The following SLC45A4 variants were observed in gnomAD, a reference collection of about 807,000 sequenced individuals.
SLC45A4 encodes polyamine-transporter SLC45A4.
Under a neutral mutation model 63.7 loss-of-function variants are expected in SLC45A4, and 32 were observed. The observed-to-expected ratio is 0.50, with a 90% CI of 0.38 to 0.67. SLC45A4 has a LOEUF of 0.67. Ranked by LOEUF, SLC45A4 falls within the 30% of genes least tolerant of loss-of-function variation. The pLI is 0.00. For synonymous variants in SLC45A4, 535 were observed against 510.0 expected, an observed-to-expected ratio of 1.05 and a Z score of -0.66; for missense variants, 1,027 against 1,157.7, an observed-to-expected ratio of 0.89 and a Z score of 1.64.
intron 6 of SLC45A4, 74 bp downstream of exon 6, chr8:141,217,016 G>T: frequency 1.4e-6 from 2 of 1,466,316 alleles, no homozygotes; most frequent in South Asian, 1.1e-5. Context: ...TAAGGTGCAG[G>T]ATTCTCTCGT....
At position 141,234,162 on chromosome 8, in the gene SLC45A4, T is replaced by G. The variant is rs1279477595; in HGVS notation, c.242-12397A>C. ...GTTCTTCTCTATGTCCACTGAGGCC[T>G]AATTCACATCTCGTCCCTCGGAAAC... On this transcript the variant is annotated intron_variant, in intron 2 of 8. Coordinates refer to ENST00000517878, the MANE Select transcript of SLC45A4 (RefSeq NM_001286646.2). 2.0e-5 allele frequency among the ~76,000 whole-genome samples: 3 copies of G among 152,252 alleles called. No homozygotes were observed. In the East Asian group the frequency reaches 5.8e-4, roughly 29 times the overall value.
chr8:141,294,595 A>G (rs1830475154), intron 1 of SLC45A4, among the ~76,000 whole-genome samples: 1 of 152,230 alleles, frequency 6.6e-6, no homozygotes, highest in African/African-American at 2.4e-5. Flanking sequence ...GAGCAGTGGA[A>G]CTGCACCAGC....
chr8:141,246,271 C>A (rs146259673), intron 2 of SLC45A4, among the ~76,000 whole-genome samples: 3 of 152,150 alleles, frequency 2.0e-5, no homozygotes, highest in Admixed American at 2.0e-4. Flanking sequence ...CCTGCTGCTG[C>A]GTAACAAACT....
Position 141,209,931 on chromosome 8 carries a change from T to C in SLC45A4, c.*1641A>G, listed in dbSNP as rs958363062. 1 of 152,168 alleles carries C rather than the reference T, an allele frequency of 6.6e-6. No individual in the cohort carries two copies. Among genetic ancestry groups the C allele is most frequent in the Non-Finnish European group, 1.5e-5 (1 of 68,036 alleles). The allele number at this position is 152,168 out of a possible 1,614,324, so 9.4% of individuals were successfully genotyped here. On this transcript the variant is annotated 3_prime_UTR_variant, in exon 9 of 9. Coordinates refer to ENST00000517878, the MANE Select transcript of SLC45A4 (RefSeq NM_001286646.2). Reference sequence around the variant, plus strand: ...GGAATCGGCTTTGGTGAGCCCTGGATCCGGCCCCTGGGCCTTCAGATGAGG... The same window carrying C: ...GGAATCGGCTTTGGTGAGCCCTGGACCCGGCCCCTGGGCCTTCAGATGAGG...
intron 1 of SLC45A4, among the ~76,000 whole-genome samples, chr8:141,302,831 C>T (rs997149029): frequency 8.5e-5 from 13 of 152,122 alleles, no homozygotes; most frequent in African/African-American, 3.1e-4. Context: ...TGTCAAACCC[C>T]TCCCCTCAAA....
rs1589822000 is a variant in SLC45A4 at position 141,256,802 on chromosome 8, A to C, written c.-400-2173T>G. ...CCGTAGAAACATCTCAATTAAAACAAGAGTTTCCAAACTGTCACCTTACTG... is the reference window on the plus strand; with the variant it reads ...CCGTAGAAACATCTCAATTAAAACACGAGTTTCCAAACTGTCACCTTACTG... On this transcript the variant is annotated intron_variant, in intron 1 of 8. Transcript: ENST00000517878. This position sits in a 1 kb window ranked among gnomAD's most constrained non-coding sequence, Gnocchi z 4.3. 1 of 348,788 alleles carries C rather than the reference A, an allele frequency of 2.9e-6. No individual in the cohort carries two copies. Among genetic ancestry groups the C allele is most frequent in the East Asian group, 7.6e-5 (1 of 13,202 alleles). 21.6% of individuals were successfully genotyped at this position (348,788 alleles called of 1,614,324 possible).
At position 141,212,393 on chromosome 8, in the gene SLC45A4, C is replaced by T. The variant is rs771581638; in HGVS notation, c.2105G>A (p.Gly702Asp). The T allele has an allele frequency of 1.2e-6, 2 of 1,613,714 alleles. No individual in the cohort carries two copies. The highest frequency in any genetic ancestry group is 3.3e-5 in the Admixed American group (2 of 60,022). ...GGCCGTCAGGAAGCCCAGGAAAGAGCCCACAGAGGCCACCATGGGGATGAC... is the reference window on the plus strand; with the variant it reads ...GGCCGTCAGGAAGCCCAGGAAAGAGTCCACAGAGGCCACCATGGGGATGAC... ...VRVIPMVASV[G>D]SFLGFLTATF... is the part of the protein sequence containing the mutation. Residue 702 changes from glycine (G) to aspartate (D), a missense_variant, in exon 8 of 9, where the codon GGC becomes GAC. Coordinates refer to ENST00000517878, the MANE Select transcript of SLC45A4 (RefSeq NM_001286646.2).
Position 141,274,030 on chromosome 8 carries a change from C to A in SLC45A4, c.-400-19401G>T, listed in dbSNP as rs547663141. Among the ~76,000 whole-genome samples, 4 of 144,478 alleles carry A rather than the reference C, an allele frequency of 2.8e-5. No homozygotes were observed. The South Asian group carries it at 8.8e-4, about 32-fold the overall frequency. 94.8% of individuals were successfully genotyped at this position (144,478 alleles called of 152,430 possible). ...GGATCATGAGGTCAGAAGATTGAGA[C>A]CATCCTGCCTAACACAGTGAAACCT... On this transcript the variant is annotated intron_variant, in intron 1 of 8. Coordinates refer to ENST00000517878, the MANE Select transcript of SLC45A4 (RefSeq NM_001286646.2).
intron 1 of SLC45A4, among the ~76,000 whole-genome samples, chr8:141,295,979 G>C (rs1467938933): frequency 6.6e-6 from 1 of 152,192 alleles, no homozygotes; most frequent in East Asian, 1.9e-4. Flanking sequence ...ATCCAAGCCT[G>C]GCCCCTAGGA....
chr8:141,231,563 G>A (rs1458988382), intron 2 of SLC45A4, among the ~76,000 whole-genome samples: 3 of 152,238 alleles, frequency 2.0e-5, no homozygotes, highest in African/African-American at 4.8e-5. Context: ...AACAGCAGGT[G>A]GGCGGACGGC....
At chr8:141,249,007 G>A (rs558231814) in intron 2 of SLC45A4, among the ~76,000 whole-genome samples, 2 of 133,294 alleles carry the variant, frequency 1.5e-5, no homozygotes, top group East Asian at 4.3e-4. Flanking sequence ...GACAGAGTGA[G>A]ACCCCATCTT....
rs147259075 is a variant in SLC45A4 at position 141,220,020 on chromosome 8, C to G, written c.431-191G>C. Among the ~76,000 whole-genome samples, 23 of 152,364 alleles carry G rather than the reference C, an allele frequency of 1.5e-4. No individual in the cohort carries two copies. The East Asian group carries it at 4.4e-3, about 29-fold the overall frequency. On this transcript the variant is annotated intron_variant, in intron 3 of 8. Coordinates refer to ENST00000517878, the MANE Select transcript of SLC45A4 (RefSeq NM_001286646.2). ...GAGTTGGGCTTTGTTCCACGCACTT[C>G]TGAGGGTTCCAGGGTTTTTCTCCCC...
intron 4 of SLC45A4, 108 bp downstream of exon 4, chr8:141,219,542 C>T (rs1826447497): frequency 7.5e-7 from 1 of 1,326,886 alleles, no homozygotes; most frequent in Non-Finnish European, 1.0e-6. Context: ...CTCAACCCTC[C>T]ATGCAGCCTG....
At chr8:141,264,706 C>T (rs560295461) in intron 1 of SLC45A4, among the ~76,000 whole-genome samples, 2 of 152,238 alleles carry the variant, frequency 1.3e-5, no homozygotes, top group Non-Finnish European at 2.9e-5. Flanking sequence ...CACCCTGACG[C>T]CTTCGGGGAG....
intron 1 of SLC45A4, among the ~76,000 whole-genome samples, chr8:141,287,803 G>A (rs899753240): frequency 2.6e-5 from 4 of 152,196 alleles, no homozygotes; most frequent in African/African-American, 4.8e-5. Context: ...CCTCAGTGGG[G>A]CGGTGAGGAG....
intron 1 of SLC45A4, among the ~76,000 whole-genome samples, chr8:141,270,168 C>T (rs1589836040): frequency 6.6e-6 from 1 of 152,020 alleles, no homozygotes; most frequent in African/African-American, 2.4e-5. Flanking sequence ...CCCAGATGGT[C>T]TTTAAAAGAA....
chr8:141,260,491 T>C (rs1167515291), intron 1 of SLC45A4, among the ~76,000 whole-genome samples: 2 of 152,204 alleles, frequency 1.3e-5, no homozygotes, highest in Non-Finnish European at 2.9e-5. Context: ...ACCCAACAGC[T>C]CACAGCAGGA....
chr8:141,268,277 G>A (rs997755644), intron 1 of SLC45A4, among the ~76,000 whole-genome samples: 3 of 152,230 alleles, frequency 2.0e-5, no homozygotes, highest in African/African-American at 7.2e-5. Context: ...CAAGCACACA[G>A]TAAAAGAAGC....
At position 141,218,171 on chromosome 8, in the gene SLC45A4, C is replaced by T. The variant is rs1313765462; in HGVS notation, c.1469G>A (p.Gly490Asp). The change falls in exon 5 of 9, where the codon GGC becomes GAC. Residue 490 changes from glycine (G) to aspartate (D), a missense_variant. Transcript: ENST00000517878. ...SGDTESEEGEGETTVRLLWLS... is the reference protein window; with the variant it reads ...SGDTESEEGEDETTVRLLWLS... ...CCACAGCAGGCGCACCGTGGTCTCG[C>T]CCTCCCCCTCCTCACTCTCGGTGTC... The T allele has an allele frequency of 6.2e-7, 1 of 1,606,752 alleles. No individual in the cohort carries two copies. The highest frequency in any genetic ancestry group is 1.3e-5 in the African/African-American group (1 of 75,038).
Sources: allele counts gnomAD v4.1 joint callset (sites outside exome capture counted in the v4.1 genomes callset), GRCh38; gene constraint gnomAD v4.1.1; non-coding constraint Gnocchi (gnomAD v3.1); transcripts MANE v1.5; gene names NCBI Gene and HGNC (gene_info 2026-07-23, HGNC 2026-07-21).